EYS: variants seen among roughly 807,000 people sequenced by gnomAD.
EYS encodes the protein protein eyes shut homolog.
In EYS, 250 loss-of-function variants were observed where a neutral mutation model predicts 282.1. The observed-to-expected ratio is 0.89, with a 90% CI of 0.80 to 0.98. The LOEUF (loss-of-function observed/expected upper bound fraction) is 0.98. Ranked by LOEUF, EYS falls within the 50% of genes least tolerant of loss-of-function variation. EYS has a pLI of 0.00. For missense variants in EYS, 4,016 were observed against 3,709.0 expected, an observed-to-expected ratio of 1.08 and a Z score of -2.15; for synonymous variants, 1,355 against 1,282.9, an observed-to-expected ratio of 1.06 and a Z score of -1.20.
At chr6:65,285,131 G>A (rs13214404) in intron 12 of EYS, among the ~76,000 whole-genome samples, 29,747 of 151,824 alleles carry the variant, frequency 0.2, 3,510 homozygotes, top group Middle Eastern at 0.27. Flanking sequence ...TTACAAAATT[G>A]AGAAATATAT....
chr6:63,810,008 G>A (rs1431550094), intron 36 of EYS, among the ~76,000 whole-genome samples: 4 of 151,214 alleles, frequency 2.6e-5, no homozygotes, highest in African/African-American at 9.7e-5. Flanking sequence ...TTGGGAGGCC[G>A]AGGCGGGTGG....
chr6:64,193,095 G>T (rs767711724), intron 31 of EYS, among the ~76,000 whole-genome samples: 22 of 152,082 alleles, frequency 1.4e-4, no homozygotes, highest in East Asian at 1.2e-3. Flanking sequence ...GTGTGTTTTG[G>T]TTTTTTGTAG....
intron 31 of EYS, among the ~76,000 whole-genome samples, chr6:64,087,410 C>T (rs1238626056): frequency 2.0e-5 from 3 of 152,072 alleles, no homozygotes; most frequent in Admixed American, 1.3e-4. Context: ...AATGTGCCAT[C>T]ATGTTCTCTT....
At chr6:64,519,933 C>G (rs1007096796) in intron 26 of EYS, among the ~76,000 whole-genome samples, 1 of 151,768 alleles carries the variant, frequency 6.6e-6, no homozygotes, top group African/African-American at 2.4e-5. Flanking sequence ...GAAACAGTGA[C>G]TGAAACTACT....
chr6:63,845,638 T>G (rs955116918), intron 36 of EYS, among the ~76,000 whole-genome samples: 7 of 152,180 alleles, frequency 4.6e-5, no homozygotes, highest in African/African-American at 1.7e-4. Context: ...AAGTTTGTTC[T>G]TAAAGAAGCT....
At chr6:65,224,747 A>G (rs954676084) in intron 12 of EYS, among the ~76,000 whole-genome samples, 1 of 152,164 alleles carries the variant, frequency 6.6e-6, no homozygotes, top group Non-Finnish European at 1.5e-5. Context: ...ACAGAAATAA[A>G]AGGATAAAAG....
chr6:65,209,135 A>T (rs1766108990), intron 12 of EYS, among the ~76,000 whole-genome samples: 1 of 151,886 alleles, frequency 6.6e-6, no homozygotes, highest in Non-Finnish European at 1.5e-5. Flanking sequence ...CTTTAAGGTA[A>T]GATTGTCTTT....
intron 36 of EYS, among the ~76,000 whole-genome samples, chr6:63,859,805 G>A (rs960986778): frequency 4.6e-5 from 7 of 152,124 alleles, no homozygotes; most frequent in African/African-American, 9.7e-5. Context: ...TCACTGCCAC[G>A]ATTACCCCTG....
chr6:64,263,204 G>C (rs1445490290), intron 30 of EYS, among the ~76,000 whole-genome samples: 1 of 152,002 alleles, frequency 6.6e-6, no homozygotes, highest in Non-Finnish European at 1.5e-5. Flanking sequence ...TCTCCTCACT[G>C]TCATCTCTCT....
chr6:63,910,174 A>C (rs1429348172), intron 35 of EYS, among the ~76,000 whole-genome samples: 1 of 152,206 alleles, frequency 6.6e-6, no homozygotes, highest in Non-Finnish European at 1.5e-5. Context: ...AAGCAATAGC[A>C]GGAATATTTT....
intron 31 of EYS, among the ~76,000 whole-genome samples, chr6:64,105,266 C>T (rs1368727203): frequency 6.6e-6 from 1 of 152,032 alleles, no homozygotes; most frequent in Non-Finnish European, 1.5e-5. Flanking sequence ...AGGCAATGCT[C>T]TCAAAAGCAC....
At chr6:63,770,317 A>G (rs1467004232) in intron 40 of EYS, among the ~76,000 whole-genome samples, 1 of 152,080 alleles carries the variant, frequency 6.6e-6, no homozygotes, top group African/African-American at 2.4e-5. Context: ...TTTGGACAAG[A>G]GAGATTCTTA....
intron 26 of EYS, among the ~76,000 whole-genome samples, chr6:64,548,052 C>A (rs1764939408): frequency 6.6e-6 from 1 of 152,206 alleles, no homozygotes; most frequent in Admixed American, 6.5e-5. Flanking sequence ...TCCCTCCACA[C>A]CTCCCTGGAA....
chr6:65,310,373 A>T (rs1452830014), intron 11 of EYS, among the ~76,000 whole-genome samples: 7 of 151,964 alleles, frequency 4.6e-5, no homozygotes, highest in Admixed American at 3.3e-4. Context: ...CTATCTATAG[A>T]TATAGATATA....
At chr6:65,223,429 A>T (rs1766526816) in intron 12 of EYS, among the ~76,000 whole-genome samples, 1 of 152,126 alleles carries the variant, frequency 6.6e-6, no homozygotes, top group African/African-American at 2.4e-5. Flanking sequence ...ACAAGAGAAC[A>T]TATGACATTT....
chr6:64,975,497 C>T (rs1287429031), intron 14 of EYS, among the ~76,000 whole-genome samples: 1 of 151,652 alleles, frequency 6.6e-6, no homozygotes, highest in Non-Finnish European at 1.5e-5. Flanking sequence ...CATTGTAGTT[C>T]CAATCTCTCC....
intron 7 of EYS, among the ~76,000 whole-genome samples, chr6:65,393,627 T>C (rs1766146266): frequency 6.6e-6 from 1 of 152,178 alleles, no homozygotes; most frequent in Admixed American, 6.6e-5. Flanking sequence ...TAGTTAGTTA[T>C]ATTTGTGACA....
chr6:64,860,497 C>A (rs1169148098), intron 19 of EYS, among the ~76,000 whole-genome samples: 1 of 152,166 alleles, frequency 6.6e-6, no homozygotes, highest in East Asian at 1.9e-4. Flanking sequence ...TGTGACTGGG[C>A]CAGAAGTACT....
chr6:64,827,305 C>A (rs889945827), intron 19 of EYS, among the ~76,000 whole-genome samples: 1 of 151,572 alleles, frequency 6.6e-6, no homozygotes, highest in African/African-American at 2.4e-5. Context: ...TTAAATATTC[C>A]TTTTGATATC....
Sources: gnomAD v4.1 joint callset for allele counts (sites outside exome capture counted in the v4.1 genomes callset) on GRCh38, gnomAD v4.1.1 for gene constraint, MANE v1.5 for transcripts, NCBI Gene and HGNC (gene_info 2026-07-23, HGNC 2026-07-21) for gene names.